IFT81: variants seen among roughly 807,000 people sequenced by gnomAD.
IFT81 encodes the protein intraflagellar transport 81.
In IFT81, 72 loss-of-function variants were observed where a neutral mutation model predicts 102.6. The ratio of observed to expected loss-of-function variants is 0.70; its 90% CI spans 0.58 to 0.85. The LOEUF is 0.85. IFT81 is among the 40% of genes least tolerant of loss of function. IFT81 has a pLI of 0.00. For missense variants in IFT81, 723 were observed against 787.3 expected, an observed-to-expected ratio of 0.92 and a Z score of 0.98; for synonymous variants, 237 against 242.7, an observed-to-expected ratio of 0.98 and a Z score of 0.22.
intron 12 of IFT81, among the ~76,000 whole-genome samples, chr12:110,184,688 G>A (rs2137529634): frequency 6.6e-6 from 1 of 152,326 alleles, no homozygotes. Flanking sequence ...GGAAGATTGG[G>A]TAGAAATAGC....
At chr12:110,187,503 G>A (rs554720288) in intron 12 of IFT81, among the ~76,000 whole-genome samples, 12 of 152,164 alleles carry the variant, frequency 7.9e-5, no homozygotes, top group Non-Finnish European at 1.5e-4. Flanking sequence ...GACTTCAAGT[G>A]ATCTGCCCTT....
At chr12:110,132,403 T>C (rs1894219114) in intron 4 of IFT81, 144 bp from the exon 5 acceptor site, 2 of 387,162 alleles carry the variant, frequency 5.2e-6, no homozygotes, top group South Asian at 6.6e-5. Flanking sequence ...GAAGTTGTAG[T>C]GAGCCGAGAT....
At chr12:110,158,013 A>T (rs1895937570) in intron 10 of IFT81, among the ~76,000 whole-genome samples, 1 of 152,042 alleles carries the variant, frequency 6.6e-6, no homozygotes, top group East Asian at 1.9e-4. Flanking sequence ...ATCTGCCATC[A>T]GGTCTCTTTC....
intron 8 of IFT81, among the ~76,000 whole-genome samples, chr12:110,140,455 T>C (rs1566111134): frequency 6.6e-6 from 1 of 152,228 alleles, no homozygotes; most frequent in Non-Finnish European, 1.5e-5. Context: ...TGGATTTGCT[T>C]TCTGTCACTA....
intron 15 of IFT81, chr12:110,204,871 G>A (rs1038046813): frequency 1.3e-5 from 2 of 152,374 alleles, no homozygotes; most frequent in Admixed American, 1.3e-4. Context: ...TGAAAGCAGG[G>A]AACCTGCCTG....
At chr12:110,188,023 G>A (rs1249886035) in intron 12 of IFT81, among the ~76,000 whole-genome samples, 1 of 152,060 alleles carries the variant, frequency 6.6e-6, no homozygotes, top group African/African-American at 2.4e-5. Context: ...TACAATCTTT[G>A]CTCAGCTCTT....
intron 9 of IFT81, among the ~76,000 whole-genome samples, chr12:110,145,761 T>C (rs1895189586): frequency 6.6e-6 from 1 of 151,344 alleles, no homozygotes; most frequent in Admixed American, 6.6e-5. Context: ...TTTAATTTAC[T>C]TAGAAAAATT....
intron 11 of IFT81, among the ~76,000 whole-genome samples, chr12:110,178,481 G>A (rs1897143073): frequency 6.6e-6 from 1 of 150,996 alleles, no homozygotes; most frequent in Admixed American, 6.6e-5. Flanking sequence ...TGAGATAGTG[G>A]CTTTGAGTGA....
At chr12:110,131,582 A>C (rs908485691) in intron 4 of IFT81, among the ~76,000 whole-genome samples, 2 of 152,050 alleles carry the variant, frequency 1.3e-5, no homozygotes, top group African/African-American at 4.8e-5. Context: ...TCCTGACCTC[A>C]AGTGATCCAT....
At chr12:110,141,850 C>CT (rs1314304983) in intron 8 of IFT81, among the ~76,000 whole-genome samples, 1 of 152,164 alleles carries the variant, frequency 6.6e-6, no homozygotes, top group Non-Finnish European at 1.5e-5. Flanking sequence ...CACCACTGCA[C>CT]TCCAGCCTGA....
chr12:110,215,607 A>G (rs1870004702), intron 18 of IFT81, among the ~76,000 whole-genome samples: 1 of 149,646 alleles, frequency 6.7e-6, no homozygotes, highest in Admixed American at 6.7e-5. Flanking sequence ...GACCACAGGC[A>G]TGTGCCACCA....
At chr12:110,184,573 A>C (rs1897441659) in intron 12 of IFT81, among the ~76,000 whole-genome samples, 1 of 152,248 alleles carries the variant, frequency 6.6e-6, no homozygotes, top group Non-Finnish European at 1.5e-5. Context: ...CAAAAGATTT[A>C]TTGAAGGACA....
chr12:110,131,717 G>A (rs959524145), intron 4 of IFT81, among the ~76,000 whole-genome samples: 12 of 152,120 alleles, frequency 7.9e-5, no homozygotes, highest in Non-Finnish European at 1.6e-4. Flanking sequence ...ATACAAGGGT[G>A]TACACAATGA....
chr12:110,170,370 A>C (rs146504314), intron 11 of IFT81, among the ~76,000 whole-genome samples: 102 of 152,210 alleles, frequency 6.7e-4, no homozygotes, highest in African/African-American at 2.4e-3. Flanking sequence ...GCCTTCAGCT[A>C]CCTCTTTTGG....
At chr12:110,201,493 C>A (rs1898269690) in intron 14 of IFT81, among the ~76,000 whole-genome samples, 1 of 151,854 alleles carries the variant, frequency 6.6e-6, no homozygotes, top group Admixed American at 6.6e-5. Context: ...TGCAGTGGCA[C>A]CATCATGGCT....
At chr12:110,180,335 ATG>A (rs1031969438) in intron 11 of IFT81, 85 bp from the exon 12 acceptor site, 6 of 687,528 alleles carry the variant, frequency 8.7e-6, no homozygotes, top group African/African-American at 7.2e-5. Context: ...AGAAGAAAAA[ATG>A]TGAATATATT....
intron 13 of IFT81, among the ~76,000 whole-genome samples, 159 bp from the exon 14 acceptor site, chr12:110,192,458 A>G (rs1340407010): frequency 6.6e-6 from 1 of 152,190 alleles, no homozygotes; most frequent in Non-Finnish European, 1.5e-5. Flanking sequence ...CTTGCTGAGG[A>G]ATCAGGATTT....
At chr12:110,127,920 T>C (rs1374195989) in intron 2 of IFT81, 126 bp from the exon 3 acceptor site, 2 of 661,616 alleles carry the variant, frequency 3.0e-6, no homozygotes, top group African/African-American at 1.8e-5. Flanking sequence ...GCCTCCATCC[T>C]TAATCTGTTT....
intron 18 of IFT81, among the ~76,000 whole-genome samples, chr12:110,211,998 C>T (rs557999264): frequency 3.2e-4 from 48 of 152,040 alleles, no homozygotes; most frequent in African/African-American, 1.1e-3. Flanking sequence ...GCTTCATTTC[C>T]GTCTTAATAT....
Sources: allele counts gnomAD v4.1 joint callset (sites outside exome capture counted in the v4.1 genomes callset), GRCh38; gene constraint gnomAD v4.1.1; transcripts MANE v1.5; gene names NCBI Gene and HGNC (gene_info 2026-07-23, HGNC 2026-07-21).